BLZF1: variants seen among roughly 807,000 people sequenced by gnomAD.
The protein encoded by BLZF1 is basic leucine zipper nuclear factor 1.
In BLZF1, 39 loss-of-function variants were observed where a neutral mutation model predicts 43.8. The observed-to-expected ratio is 0.89, with a 90% confidence interval of 0.69 to 1.16. BLZF1 has a LOEUF of 1.16. BLZF1 is among the 50% of genes most tolerant of loss of function. BLZF1 has a pLI of 0.00. For missense variants in BLZF1, 449 were observed against 469.8 expected (o/e 0.96, Z 0.41); for synonymous variants, 136 against 159.4 (o/e 0.85, Z 1.11).
chr1:169,377,124 T>G, intron 3 of BLZF1, 145 bp downstream of exon 3: 1 of 699,988 alleles, frequency 1.4e-6, no homozygotes, highest in Non-Finnish European at 2.4e-6. Context: ...CTTAAATTTC[T>G]CATTCTTTCT....
Position 169,376,777 on chromosome 1 carries a change from C to T in BLZF1, c.266C>T (p.Thr89Ile). Residue 89 changes from threonine (T) to isoleucine (I), a missense_variant, in exon 3 of 7, where the codon ACT (threonine) becomes ATT (isoleucine). Thr to Ile is a moderately conservative substitution (Grantham distance 89, BLOSUM62 -1). Coordinates refer to ENST00000367808, the MANE Select transcript of BLZF1 (RefSeq NM_001320973.2). ...ATATTAGTTCCCAAAGCTGCTATAACTCATGATATCCCCAACAAAAATACA... is the reference window on the plus strand; with the variant it reads ...ATATTAGTTCCCAAAGCTGCTATAATTCATGATATCCCCAACAAAAATACA... ...VRILVPKAAI[T>I]HDIPNKNTKV... 4 of 1,613,374 alleles carry T rather than the reference C, an allele frequency of 2.5e-6. No individual in the cohort carries two copies. Among genetic ancestry groups the T allele is most frequent in the African/African-American group, 1.3e-5 (1 of 74,994 alleles).
In BLZF1 at chr1:169,382,150, G is replaced by T; in HGVS notation, c.886G>T (p.Ala296Ser). ...SVQPHSTAEL[A>S]LTNHKLAKAV... ...ACAACCCCACAGCACAGCAGAGCTA[G>T]CATTAACAAATCACAAGTTGGCAAA... Residue 296 changes from alanine (A) to serine (S), a missense_variant, in exon 6 of 7, where the codon GCA becomes TCA. By Grantham distance (99) the Ala-to-Ser change is moderately conservative. Coordinates refer to ENST00000367808, the MANE Select transcript of BLZF1 (RefSeq NM_001320973.2). 6.2e-7 allele frequency: 1 copy of T among 1,613,856 alleles called. No homozygotes were observed.
chr1:169,392,752 T>C (rs144832129), downstream of BLZF1, among the ~76,000 whole-genome samples: 14 of 152,272 alleles, frequency 9.2e-5, no homozygotes, highest in East Asian at 2.7e-3. Context: ...GAAGGTTAAG[T>C]TGATTACCAG....
chr1:169,390,817 G>C (rs1350341409), downstream of BLZF1, among the ~76,000 whole-genome samples: 1 of 152,078 alleles, frequency 6.6e-6, no homozygotes, highest in Non-Finnish European at 1.5e-5. Context: ...TCAGTCAACT[G>C]AGAAGAAAAA....
At chr1:169,381,938 G>C (rs1168318399) in intron 5 of BLZF1, 124 bp from the exon 6 acceptor site, 5 of 754,980 alleles carry the variant, frequency 6.6e-6, no homozygotes, top group Non-Finnish European at 1.0e-5. Flanking sequence ...GGAACTCTGA[G>C]AGAGAAAGGG....
chr1:169,388,953 C>T (rs747280510), downstream of BLZF1, among the ~76,000 whole-genome samples: 20 of 151,908 alleles, frequency 1.3e-4, no homozygotes, highest in Non-Finnish European at 2.1e-4. Flanking sequence ...AAACCCCCGT[C>T]TCTACTAAAA....
intron 7 of BLZF1, among the ~76,000 whole-genome samples, chr1:169,394,245 A>G (rs1398209463): frequency 6.6e-6 from 1 of 152,188 alleles, no homozygotes; most frequent in Non-Finnish European, 1.5e-5. Flanking sequence ...ACATTTTAAA[A>G]TGTTTTAAGC....
At chr1:169,378,644 G>A in intron 4 of BLZF1, 115 bp downstream of exon 4, 1 of 931,398 alleles carries the variant, frequency 1.1e-6, no homozygotes, top group Non-Finnish European at 1.6e-6. Context: ...GGTCATCAGA[G>A]TACTTCATTT....
intron 1 of BLZF1, among the ~76,000 whole-genome samples, chr1:169,368,905 C>T (rs1197157092): frequency 6.6e-6 from 1 of 152,082 alleles, no homozygotes; most frequent in African/African-American, 2.4e-5. Flanking sequence ...TGAGTCTGTA[C>T]TGTAAGACAA....
At chr1:169,395,021 C>T in intron 7 of BLZF1, 1 of 1,555,636 alleles carries the variant, frequency 6.4e-7, no homozygotes, top group South Asian at 1.2e-5. Flanking sequence ...ATAGCAGCTG[C>T]CCACTGAAAT....
chr1:169,384,936 G>T (rs1654627582), intron 6 of BLZF1, among the ~76,000 whole-genome samples: 1 of 152,118 alleles, frequency 6.6e-6, no homozygotes, highest in Non-Finnish European at 1.5e-5. Flanking sequence ...CATACTAAGT[G>T]CTCAGCTATT....
intron 7 of BLZF1, among the ~76,000 whole-genome samples, chr1:169,394,136 T>C (rs943341157): frequency 2.0e-5 from 3 of 152,208 alleles, no homozygotes; most frequent in Non-Finnish European, 2.9e-5. Context: ...GATCAGTCTA[T>C]GTGAACAAAA....
intron 7 of BLZF1, chr1:169,394,952 C>T: frequency 9.0e-7 from 1 of 1,106,084 alleles, no homozygotes; most frequent in Non-Finnish European, 1.2e-6. Flanking sequence ...AATACCATTT[C>T]CATAATTTAG....
rs113548186 is a variant in BLZF1 at position 169,380,585 on chromosome 1, G to C, written c.773G>C (p.Arg258Pro). ...QDLLSEREQF[R>P]QEMIATQKLL... Reference sequence around the variant, plus strand: ...CTCCTAAGTGAACGGGAACAGTTTCGTCAAGAAATGATAGCTACCCAGAAG... The same window carrying C: ...CTCCTAAGTGAACGGGAACAGTTTCCTCAAGAAATGATAGCTACCCAGAAG... Residue 258 changes from arginine (R) to proline (P), a missense_variant, in exon 5 of 7, where the codon CGT becomes CCT. Physicochemically the swap from Arg to Pro is moderately radical, Grantham distance 103. Coordinates refer to ENST00000367808, the MANE Select transcript of BLZF1 (RefSeq NM_001320973.2). 5 of 1,612,614 alleles carry C rather than the reference G, an allele frequency of 3.1e-6. No homozygotes were observed. The South Asian group carries it at 5.5e-5, about 18-fold the overall frequency.
At chr1:169,377,418 G>A (rs529986335) in intron 3 of BLZF1, 1 of 159,624 alleles carries the variant, frequency 6.3e-6, no homozygotes, top group African/African-American at 2.4e-5. Flanking sequence ...AAAAAAATCT[G>A]TAGCCCTTAA....
chr1:169,384,670 C>T (rs1306694735), intron 6 of BLZF1, among the ~76,000 whole-genome samples: 1 of 152,132 alleles, frequency 6.6e-6, no homozygotes, highest in Non-Finnish European at 1.5e-5. Flanking sequence ...CTTGTCTGGA[C>T]TACCCTCCCC....
At chr1:169,377,072 A>G in intron 3 of BLZF1, 93 bp downstream of exon 3, 2 of 1,027,252 alleles carry the variant, frequency 1.9e-6, no homozygotes, top group Non-Finnish European at 2.9e-6. Flanking sequence ...CTTTATGGGA[A>G]TGTCATTCAT....
rs1654705964 is a variant in BLZF1 at position 169,387,321 on chromosome 1, G to A, written c.*139G>A. 2.9e-6 allele frequency: 2 copies of A among 694,100 alleles called. No individual in the cohort carries two copies. Among genetic ancestry groups the A allele is most frequent in the African/African-American group, 1.9e-5 (1 of 53,370 alleles). 43.0% of individuals were successfully genotyped at this position (694,100 alleles called of 1,614,324 possible). ...ATGTATACACCCAAAGATATTTTAT[G>A]TACTAGACTCCAGATTACCCTTTCT... On this transcript the variant is annotated 3_prime_UTR_variant, in exon 7 of 7. Transcript: ENST00000367808.
chr1:169,368,740 G>T (rs1373304906), intron 1 of BLZF1, among the ~76,000 whole-genome samples: 1 of 152,156 alleles, frequency 6.6e-6, no homozygotes. Flanking sequence ...TGACTGTTAA[G>T]AAAGTTAGTC....
Sources: allele counts gnomAD v4.1 joint callset (sites outside exome capture counted in the v4.1 genomes callset), GRCh38; gene constraint gnomAD v4.1.1; transcripts MANE v1.5; gene names NCBI Gene and HGNC (gene_info 2026-07-23, HGNC 2026-07-21).